The following PREX2 variants were observed in gnomAD, a reference collection of about 807,000 sequenced individuals.
The protein encoded by PREX2 is phosphatidylinositol 3,4,5-trisphosphate-dependent Rac exchanger 2 protein.
A neutral mutation model predicts 203.2 loss-of-function variants in PREX2; 107 were observed. The observed-to-expected ratio is 0.53, with a 90% confidence interval of 0.45 to 0.62. PREX2 has a LOEUF of 0.62. PREX2 is among the 20% of genes least tolerant of loss of function. The probability of loss-of-function intolerance (pLI) is 0.00; values close to 1 mark genes in which losing one functional copy is unlikely to be tolerated. For synonymous variants in PREX2, 672 were observed against 663.6 expected (o/e 1.01, Z -0.19); for missense variants, 1,777 against 1,955.9 (o/e 0.91, Z 1.72).
At chr8:68,071,362 A>G (rs1296840813) in intron 13 of PREX2, among the ~76,000 whole-genome samples, 2 of 152,184 alleles carry the variant, frequency 1.3e-5, no homozygotes, top group African/African-American at 4.8e-5. Context: ...AGACTTGCAT[A>G]TGGTCTGTAA....
chr8:68,225,820 C>T (rs992327823), intron 39 of PREX2, among the ~76,000 whole-genome samples: 3 of 152,178 alleles, frequency 2.0e-5, no homozygotes, highest in Non-Finnish European at 4.4e-5. Flanking sequence ...TACGCATTCT[C>T]CATCCAGCAC....
intron 35 of PREX2, among the ~76,000 whole-genome samples, chr8:68,166,807 T>A (rs1811770818): frequency 6.6e-6 from 1 of 151,998 alleles, no homozygotes; most frequent in African/African-American, 2.4e-5. Flanking sequence ...TCTCTACATT[T>A]TTTTTTTAAT....
intron 1 of PREX2, among the ~76,000 whole-genome samples, chr8:67,976,576 CA>C: frequency 2.3e-5 from 1 of 43,948 alleles, no homozygotes. Context: ...GAGACAGAGA[CA>C]GAGAGAGAGA....
At chr8:67,986,650 G>A (rs1313608418) in intron 1 of PREX2, among the ~76,000 whole-genome samples, 3 of 152,176 alleles carry the variant, frequency 2.0e-5, no homozygotes, top group Non-Finnish European at 4.4e-5. Context: ...AATGGCAGGG[G>A]CTTGATTATG....
chr8:68,059,827 A>G (rs1310313307), intron 10 of PREX2, among the ~76,000 whole-genome samples: 1 of 152,180 alleles, frequency 6.6e-6, no homozygotes, highest in African/African-American at 2.4e-5. Flanking sequence ...CCTTGCTGTC[A>G]GCCAAGGGTT....
At chr8:68,045,252 A>C (rs1442201661) in intron 8 of PREX2, among the ~76,000 whole-genome samples, 1 of 152,134 alleles carries the variant, frequency 6.6e-6, no homozygotes, top group Non-Finnish European at 1.5e-5. Flanking sequence ...CTCTAAAATA[A>C]ATACTTAGTA....
intron 35 of PREX2, among the ~76,000 whole-genome samples, chr8:68,173,230 A>G (rs1213338935): frequency 2.0e-5 from 3 of 152,198 alleles, no homozygotes; most frequent in Non-Finnish European, 4.4e-5. Flanking sequence ...AATTTATTCC[A>G]GTATCCAGCC....
At chr8:68,052,250 G>A (rs1808545123) in intron 8 of PREX2, among the ~76,000 whole-genome samples, 1 of 152,130 alleles carries the variant, frequency 6.6e-6, no homozygotes, top group Non-Finnish European at 1.5e-5. Flanking sequence ...TGCTGACTCA[G>A]GCCTCTGTCG....
chr8:68,003,109 G>C (rs1806990904), intron 1 of PREX2, among the ~76,000 whole-genome samples: 1 of 152,120 alleles, frequency 6.6e-6, no homozygotes, highest in African/African-American at 2.4e-5. Context: ...TCTGAAGACT[G>C]TTTCAGGGTT....
At chr8:67,995,149 T>C (rs1806727783) in intron 1 of PREX2, among the ~76,000 whole-genome samples, 1 of 152,192 alleles carries the variant, frequency 6.6e-6, no homozygotes, top group Admixed American at 6.5e-5. Context: ...AACTGTTCTA[T>C]TAATAATGAA....
At chr8:68,095,537 A>ATGTG (rs144155575) in intron 21 of PREX2, among the ~76,000 whole-genome samples, 2 of 146,092 alleles carry the variant, frequency 1.4e-5, no homozygotes, top group Admixed American at 6.9e-5. Flanking sequence ...ACATACATAT[A>ATGTG]TGTGTGTGTG....
rs1299198036 is a variant in PREX2, at chr8:68,234,140, C to T, written c.*2762C>T. On this transcript the variant is annotated 3_prime_UTR_variant, in exon 40 of 40. Coordinates refer to ENST00000288368, the MANE Select transcript of PREX2 (RefSeq NM_024870.4). ...CATCTCATACAACTTTATTATAATT[C>T]CAACACAGTGGTAAGAGTAAAAAAC... The T allele has an allele frequency of 6.6e-6, 1 of 152,046 alleles. No homozygotes were observed. The highest frequency in any genetic ancestry group is 2.4e-5 in the African/African-American group (1 of 41,404). 9.4% of individuals were successfully genotyped at this position (152,046 alleles called of 1,614,324 possible).
chr8:68,162,204 T>G (rs1811670321), intron 35 of PREX2, among the ~76,000 whole-genome samples: 1 of 151,748 alleles, frequency 6.6e-6, no homozygotes, highest in South Asian at 2.1e-4. Flanking sequence ...GTCACTAATT[T>G]TCAGTGAAAA....
intron 7 of PREX2, among the ~76,000 whole-genome samples, chr8:68,040,881 C>T (rs2129610787): frequency 6.6e-6 from 1 of 152,208 alleles, no homozygotes; most frequent in South Asian, 2.1e-4. Flanking sequence ...AGAGCTTAGC[C>T]ATCATTAATG....
intron 1 of PREX2, among the ~76,000 whole-genome samples, chr8:67,994,735 A>C (rs1806714726): frequency 6.6e-6 from 1 of 152,178 alleles, no homozygotes; most frequent in Non-Finnish European, 1.5e-5. Context: ...TTTTATCAAC[A>C]ACCAGCTTTC....
intron 27 of PREX2, chr8:68,118,854 A>T (rs765549675): frequency 2.0e-5 from 14 of 695,908 alleles, no homozygotes; most frequent in Non-Finnish European, 3.7e-5. Context: ...AAAGCAATGA[A>T]ATAAGCAAAC....
chr8:68,097,319 C>A, intron 22 of PREX2, 118 bp downstream of exon 22: 9 of 740,240 alleles, frequency 1.2e-5, no homozygotes, highest in African/African-American at 2.0e-5. Flanking sequence ...TCAGCTCATT[C>A]AAACTTCTTT....
intron 35 of PREX2, among the ~76,000 whole-genome samples, chr8:68,188,458 G>A (rs906195951): frequency 2.6e-5 from 4 of 152,254 alleles, no homozygotes; most frequent in Middle Eastern, 3.4e-3. Flanking sequence ...TTAATAGATC[G>A]AAACAGGCTT....
intron 1 of PREX2, among the ~76,000 whole-genome samples, chr8:68,013,893 A>G (rs1461981033): frequency 6.6e-6 from 1 of 152,200 alleles, no homozygotes; most frequent in Admixed American, 6.5e-5. Context: ...TTAGTGCTGT[A>G]TGATACAAAA....
Sources: gnomAD v4.1 joint callset for allele counts (sites outside exome capture counted in the v4.1 genomes callset) on GRCh38, gnomAD v4.1.1 for gene constraint, MANE v1.5 for transcripts, NCBI Gene and HGNC (gene_info 2026-07-23, HGNC 2026-07-21) for gene names.